Variants in IAPP observed in about 807,000 individuals in gnomAD.
The protein encoded by IAPP is islet amyloid polypeptide, also known as Islet amyloid polypeptide (diabetes-associated peptide; amylin).
IAPP carries 4 observed loss-of-function variants against 2.9 expected under a neutral mutation model. The observed-to-expected ratio is 1.39, with a 90% CI of 0.69 to 3.19. IAPP has a LOEUF of 3.19. IAPP is among the 30% of genes most tolerant of loss of function. The pLI, the probability that IAPP is intolerant of heterozygous loss-of-function variation, is 0.01. For synonymous variants in IAPP, 40 were observed against 42.1 expected (o/e 0.95, Z 0.19); for missense variants, 114 against 105.3 (o/e 1.08, Z -0.36).
At chr12:21,378,201 A>G (rs757967886) in intron 2 of IAPP, 36 bp from the exon 3 acceptor site, 28 of 1,594,656 alleles carry the variant, frequency 1.8e-5, no homozygotes, top group Non-Finnish European at 2.1e-5. Flanking sequence ...TAAAATTCTA[A>G]GGCTCTAACT....
intron 2 of IAPP, among the ~76,000 whole-genome samples, chr12:21,374,131 G>A (rs1459532983): frequency 6.6e-6 from 1 of 152,046 alleles, no homozygotes; most frequent in Non-Finnish European, 1.5e-5. Context: ...GGATTTCCTG[G>A]GAAGTCTTAT....
rs558235233 is a variant in IAPP, at chr12:21,378,650, A to G, written c.*224A>G. ...TGAAATGTTTTTGCTATAGATTTGT[A>G]TTTTAAAACATAAGAACGTCATTTT... On this transcript the variant is annotated 3_prime_UTR_variant, in exon 3 of 3. Coordinates refer to ENST00000240652, the MANE Select transcript of IAPP (RefSeq NM_000415.3). The G allele has an allele frequency of 4.2e-6, 2 of 478,256 alleles. No individual in the cohort carries two copies. Among genetic ancestry groups the G allele is most frequent in the African/African-American group, 3.8e-5 (2 of 52,056 alleles). 29.6% of individuals were successfully genotyped at this position (478,256 alleles called of 1,614,324 possible). A position where few individuals can be genotyped will look rare whatever the true frequency, so the allele number is the denominator to read the frequency against.
At chr12:21,377,137 G>A (rs1455382943) in intron 2 of IAPP, among the ~76,000 whole-genome samples, 1 of 152,064 alleles carries the variant, frequency 6.6e-6, no homozygotes, top group Non-Finnish European at 1.5e-5. Context: ...CTTCTTCCAG[G>A]TGGCTAGAAA....
Position 21,378,290 on chromosome 12 carries a change from T to C in IAPP, c.134T>C (p.Leu45Pro), listed in dbSNP as rs1484149172. The change falls in exon 3 of 3, where the codon CTG (leucine) becomes CCG (proline). Residue 45 changes from leucine to proline, a missense_variant. By Grantham distance (98) the Leu-to-Pro change is moderately conservative. Coordinates refer to ENST00000240652, the MANE Select transcript of IAPP (RefSeq NM_000415.3). ...CNTATCATQR[L>P]ANFLVHSSNN... ...ACTGCCACATGTGCAACGCAGCGCC[T>C]GGCAAATTTTTTAGTTCATTCCAGC... 1 of 1,614,226 alleles carries C rather than the reference T, an allele frequency of 6.2e-7. No homozygotes were observed. Among genetic ancestry groups the C allele is most frequent in the Admixed American group, 1.7e-5 (1 of 60,032 alleles).
At chr12:21,356,645 A>G (rs1938392080) in intron 1 of IAPP, among the ~76,000 whole-genome samples, 1 of 152,160 alleles carries the variant, frequency 6.6e-6, no homozygotes, top group Admixed American at 6.6e-5. Flanking sequence ...CAGTAAAGAT[A>G]TGAGTGTTAT....
upstream of IAPP, among the ~76,000 whole-genome samples, chr12:21,370,134 T>C (rs1437861741): frequency 6.6e-6 from 1 of 152,302 alleles, no homozygotes; most frequent in South Asian, 2.1e-4. Flanking sequence ...TAAGAATTTG[T>C]CTTTCATTCT....
chr12:21,370,101 AC>A (rs1165466525), upstream of IAPP, among the ~76,000 whole-genome samples: 4 of 152,220 alleles, frequency 2.6e-5, no homozygotes, highest in South Asian at 2.1e-4. Flanking sequence ...TAACAAAAAA[AC>A]AAATATCCTG....
At chr12:21,373,888 T>C (rs1212300396) in intron 2 of IAPP, among the ~76,000 whole-genome samples, 2 of 152,162 alleles carry the variant, frequency 1.3e-5, no homozygotes, top group East Asian at 3.8e-4. Flanking sequence ...CTTTTACATC[T>C]TGTGGAAATG....
intron 1 of IAPP, among the ~76,000 whole-genome samples, chr12:21,365,407 T>G (rs1939294131): frequency 6.6e-6 from 1 of 152,182 alleles, no homozygotes; most frequent in South Asian, 2.1e-4. Flanking sequence ...CAAGTGGGAT[T>G]AAAGACTTAA....
chr12:21,367,956 C>A (rs926163213), upstream of IAPP, among the ~76,000 whole-genome samples: 1 of 152,084 alleles, frequency 6.6e-6, no homozygotes, highest in Non-Finnish European at 1.5e-5. Context: ...AGAATTTCAA[C>A]TAATAAATGA....
chr12:21,361,395 A>T (rs180817982), intron 1 of IAPP, among the ~76,000 whole-genome samples: 149 of 152,346 alleles, frequency 9.8e-4, no homozygotes, highest in African/African-American at 3.3e-3. Context: ...GGTCACCATG[A>T]TCAGAGACGA....
rs377514165 is a variant in IAPP at position 21,379,420 on chromosome 12, G to T, written c.*994G>T. On this transcript the variant is annotated 3_prime_UTR_variant, in exon 3 of 3. Coordinates refer to ENST00000240652, the MANE Select transcript of IAPP (RefSeq NM_000415.3). ...AACCTCAGTCATATTCTTATGCAGG[G>T]TATTGCGAAACAACTTGTGTTCTAT... 1 of 152,260 alleles carries T rather than the reference G, an allele frequency of 6.6e-6. No individual in the cohort carries two copies. Among genetic ancestry groups the T allele is most frequent in the East Asian group, 1.9e-4 (1 of 5,186 alleles). 9.4% of individuals were successfully genotyped at this position (152,260 alleles called of 1,614,324 possible).
intron 2 of IAPP, chr12:21,373,749 A>G (rs1939979168): frequency 2.9e-6 from 2 of 696,254 alleles, no homozygotes; most frequent in Middle Eastern, 2.3e-4. Flanking sequence ...AATTTCTTCT[A>G]TATTAACCTG....
Position 21,373,324 on chromosome 12 carries a change from T to A in IAPP, c.-15-13T>A. 6.7e-7 allele frequency: 1 copy of A among 1,490,770 alleles called. No homozygotes were observed. Among genetic ancestry groups the A allele is most frequent in the Non-Finnish European group, 9.4e-7 (1 of 1,067,912 alleles). The allele number at this position is 1,490,770 out of a possible 1,614,324, so 92.3% of individuals were successfully genotyped here. A position where few individuals can be genotyped will look rare whatever the true frequency, so the allele number is the denominator to read the frequency against. ...GAAATCTCTTGATTTCAGTGCTGGA[T>A]TATTCTTTGCAGAAAATTTGAGAAG... On this transcript the variant is annotated splice_polypyrimidine_tract_variant and intron_variant, in intron 1 of 2. Coordinates refer to ENST00000240652, the MANE Select transcript of IAPP (RefSeq NM_000415.3).
intron 2 of IAPP, chr12:21,374,252 T>C (rs62723160): frequency 0.01 from 1,564 of 152,608 alleles, 18 homozygotes; most frequent in Middle Eastern, 0.071. Context: ...AAACTGTAAT[T>C]TATTTAAAGG....
intron 1 of IAPP, among the ~76,000 whole-genome samples, chr12:21,362,680 G>C (rs1939015451): frequency 6.6e-6 from 1 of 152,098 alleles, no homozygotes. Flanking sequence ...ACACGCATAG[G>C]CTCAAAATAA....
At chr12:21,370,802 T>C (rs1210350817), upstream of IAPP, among the ~76,000 whole-genome samples, 1 of 152,228 alleles carries the variant, frequency 6.6e-6, no homozygotes, top group African/African-American at 2.4e-5. Flanking sequence ...TGTTTGATGT[T>C]GAACTTTATT....
In IAPP at chr12:21,379,891, T is replaced by C. The variant is rs1194252909; in HGVS notation, c.*1465T>C. The C allele has an allele frequency of 6.6e-6, 1 of 152,148 alleles. No homozygotes were observed. Among genetic ancestry groups the C allele is most frequent in the Admixed American group, 6.5e-5 (1 of 15,268 alleles). 9.4% of individuals were successfully genotyped at this position (152,148 alleles called of 1,614,324 possible). A position where few individuals can be genotyped will look rare whatever the true frequency, so the allele number is the denominator to read the frequency against. ...TGGTGGTGGTAAGTGGTAGCGGTAGTGAGTGTATAGAGGCAGGGAAATATA... is the reference window on the plus strand; with the variant it reads ...TGGTGGTGGTAAGTGGTAGCGGTAGCGAGTGTATAGAGGCAGGGAAATATA... On this transcript the variant is annotated 3_prime_UTR_variant, in exon 3 of 3. Transcript: ENST00000240652.
upstream of IAPP, among the ~76,000 whole-genome samples, chr12:21,370,151 G>T (rs574314249): frequency 6.6e-6 from 1 of 151,994 alleles, no homozygotes; most frequent in Non-Finnish European, 1.5e-5. Context: ...TTCTGCTCCT[G>T]AGTAGCTCTG....
Sources: allele counts gnomAD v4.1 joint callset (sites outside exome capture counted in the v4.1 genomes callset), GRCh38; gene constraint gnomAD v4.1.1; transcripts MANE v1.5; gene names NCBI Gene and HGNC (gene_info 2026-07-23, HGNC 2026-07-21).